Variants in CSMD1 observed in about 807,000 individuals in gnomAD.
CSMD1 encodes the protein CUB and sushi domain-containing protein 1.
Under a neutral mutation model 417.5 loss-of-function variants are expected in CSMD1, and 213 were observed. That is an observed-to-expected ratio of 0.51 (90% CI 0.46 to 0.57). The LOEUF is 0.57. Ranked by LOEUF, CSMD1 falls within the 20% of genes least tolerant of loss-of-function variation. CSMD1 has a pLI of 0.00. For synonymous variants in CSMD1, 2,862 were observed against 1,736.8 expected (o/e 1.65, Z -16.11); for missense variants, 6,923 against 4,529.7 (o/e 1.53, Z -15.17).
intron 5 of CSMD1, among the ~76,000 whole-genome samples, chr8:3,876,175 G>A (rs977868530): frequency 1.3e-5 from 2 of 152,120 alleles, no homozygotes; most frequent in African/African-American, 4.8e-5. Flanking sequence ...TTTTGTGAAG[G>A]AAACTCATGT....
chr8:3,737,610 T>A (rs912664033), intron 6 of CSMD1, among the ~76,000 whole-genome samples: 2 of 152,164 alleles, frequency 1.3e-5, no homozygotes, highest in Non-Finnish European at 2.9e-5. Context: ...GAGATCACCC[T>A]CTCAGTTACT....
chr8:3,465,895 G>C (rs997932097), intron 12 of CSMD1, among the ~76,000 whole-genome samples: 2 of 152,114 alleles, frequency 1.3e-5, no homozygotes, highest in African/African-American at 4.8e-5. Flanking sequence ...AATTTCTGGG[G>C]AAACTATGAG....
intron 27 of CSMD1, among the ~76,000 whole-genome samples, chr8:3,226,457 C>T (rs936169000): frequency 6.6e-6 from 1 of 151,850 alleles, no homozygotes; most frequent in East Asian, 1.9e-4. Flanking sequence ...GTGGCACGCA[C>T]CTATAATCCT....
chr8:4,869,231 C>T (rs1451814823), intron 1 of CSMD1, among the ~76,000 whole-genome samples: 1 of 151,892 alleles, frequency 6.6e-6, no homozygotes, highest in East Asian at 1.9e-4. Flanking sequence ...CATAGAAAAG[C>T]ATCTGTGTGG....
chr8:3,148,335 C>T (rs1435977664), intron 40 of CSMD1, among the ~76,000 whole-genome samples: 1 of 152,184 alleles, frequency 6.6e-6, no homozygotes, highest in Non-Finnish European at 1.5e-5. Context: ...CTGATATTTT[C>T]TTATGATTCC....
chr8:4,713,338 G>A (rs886301894), intron 1 of CSMD1, among the ~76,000 whole-genome samples: 2 of 152,082 alleles, frequency 1.3e-5, no homozygotes, highest in African/African-American at 4.8e-5. Context: ...GTGGTGTCTT[G>A]CCATAGCTTT....
At chr8:3,404,715 C>CT (rs758798827) in intron 15 of CSMD1, among the ~76,000 whole-genome samples, 2 of 151,846 alleles carry the variant, frequency 1.3e-5, no homozygotes, top group Admixed American at 6.6e-5. Flanking sequence ...GGTGTGTAGC[C>CT]TTTTTTTAGT....
chr8:3,797,286 C>G (rs1247310569), intron 5 of CSMD1, among the ~76,000 whole-genome samples: 1 of 151,902 alleles, frequency 6.6e-6, no homozygotes, highest in Non-Finnish European at 1.5e-5. Context: ...GTAAAATATA[C>G]TTCCAGGAAA....
intron 3 of CSMD1, among the ~76,000 whole-genome samples, chr8:4,290,370 G>C (rs1472821766): frequency 6.6e-6 from 1 of 152,184 alleles, no homozygotes; most frequent in East Asian, 1.9e-4. Context: ...TGGAGGGAGA[G>C]AAGCCCAAAG....
At chr8:3,468,480 T>G (rs1023575491) in intron 12 of CSMD1, among the ~76,000 whole-genome samples, 1 of 152,176 alleles carries the variant, frequency 6.6e-6, no homozygotes, top group Non-Finnish European at 1.5e-5. Flanking sequence ...CACCTCACTC[T>G]TTATTTTGGG....
At chr8:3,716,960 C>T (rs980244587) in intron 6 of CSMD1, among the ~76,000 whole-genome samples, 4 of 152,012 alleles carry the variant, frequency 2.6e-5, no homozygotes, top group African/African-American at 7.3e-5. Context: ...TTATGCTACT[C>T]CTACAATCAT....
intron 6 of CSMD1, among the ~76,000 whole-genome samples, chr8:3,715,851 G>T (rs2720792): frequency 0.27 from 41,536 of 152,084 alleles, 6,391 homozygotes; most frequent in East Asian, 0.49. Context: ...CCTGCAAACA[G>T]CTTTTTAAAA....
In CSMD1 at chr8:3,925,688, C is replaced by T. The variant is rs563776536; in HGVS notation, c.818+72215G>A. Among the ~76,000 whole-genome samples, 189 of 152,092 alleles carry T rather than the reference C, an allele frequency of 1.2e-3. 2 individuals are homozygous for T. Among genetic ancestry groups the T allele is most frequent in the Middle Eastern group, 0.01 (3 of 292 alleles). On this transcript the variant is annotated intron_variant, in intron 5 of 69. Transcript: ENST00000635120. ...TTGCCTCCTCCTCATTTTTCTCTTG[C>T]CACCACCACGTAAGAAGTGCCTGTT...
At chr8:3,586,606 A>C (rs1179231742) in intron 8 of CSMD1, among the ~76,000 whole-genome samples, 1 of 152,286 alleles carries the variant, frequency 6.6e-6, no homozygotes, top group Middle Eastern at 3.4e-3. Context: ...TGTACCCTGA[A>C]AACAAGAGGA....
At chr8:4,391,712 G>A (rs1456238484) in intron 3 of CSMD1, among the ~76,000 whole-genome samples, 1 of 152,114 alleles carries the variant, frequency 6.6e-6, no homozygotes, top group East Asian at 1.9e-4. Context: ...TTCCCCATGT[G>A]AAAAACCTCC....
At chr8:4,185,914 G>A (rs892906282) in intron 3 of CSMD1, among the ~76,000 whole-genome samples, 4 of 152,108 alleles carry the variant, frequency 2.6e-5, no homozygotes, top group South Asian at 2.1e-4. Flanking sequence ...CTGTTATTAC[G>A]TTGAGTTCAT....
chr8:4,149,223 C>G (rs1357753527), intron 3 of CSMD1, among the ~76,000 whole-genome samples: 1 of 152,110 alleles, frequency 6.6e-6, no homozygotes, highest in African/African-American at 2.4e-5. Flanking sequence ...CTCGGCCTCC[C>G]AAACTGCTGA....
intron 1 of CSMD1, among the ~76,000 whole-genome samples, chr8:4,925,562 T>C (rs933234092): frequency 6.6e-6 from 1 of 151,928 alleles, no homozygotes; most frequent in Non-Finnish European, 1.5e-5. Flanking sequence ...TTTCTTTTTT[T>C]TTGAGACGGA....
At chr8:4,177,704 G>C (rs1415550095) in intron 3 of CSMD1, among the ~76,000 whole-genome samples, 4 of 148,232 alleles carry the variant, frequency 2.7e-5, no homozygotes, top group African/African-American at 7.5e-5. Flanking sequence ...AAGAAAAAAA[G>C]AGACAAGAAT....
Sources: gnomAD v4.1 joint callset for allele counts (sites outside exome capture counted in the v4.1 genomes callset) on GRCh38, gnomAD v4.1.1 for gene constraint, MANE v1.5 for transcripts, NCBI Gene and HGNC (gene_info 2026-07-23, HGNC 2026-07-21) for gene names.